Variants in KDR observed in about 807,000 individuals in gnomAD.
KDR encodes kinase insert domain receptor.
A neutral mutation model predicts 160.9 loss-of-function variants in KDR; 43 were observed. That is an observed-to-expected ratio of 0.27 (90% CI 0.21 to 0.34). KDR has a LOEUF of 0.34. Ranked by LOEUF, KDR falls within the 10% of genes least tolerant of loss-of-function variation. The probability of loss-of-function intolerance (pLI) is 1.00; values close to 1 mark genes in which losing one functional copy is unlikely to be tolerated. For synonymous variants in KDR, 617 were observed against 600.1 expected (o/e 1.03, Z -0.41); for missense variants, 1,469 against 1,666.4 (o/e 0.88, Z 2.06).
chr4:55,080,396 A>G (rs1719702487), intron 29 of KDR, among the ~76,000 whole-genome samples: 1 of 152,194 alleles, frequency 6.6e-6, no homozygotes, highest in Non-Finnish European at 1.5e-5. Context: ...CAAGTCTTTC[A>G]AGCCTCAAAT....
intron 15 of KDR, among the ~76,000 whole-genome samples, chr4:55,100,842 T>A (rs1362162071): frequency 6.6e-6 from 1 of 152,100 alleles, no homozygotes; most frequent in African/African-American, 2.4e-5. Context: ...ACTTCTTTCT[T>A]ACCCTTGCAT....
chr4:55,120,655 GT>G (rs1429969628), intron 2 of KDR, among the ~76,000 whole-genome samples: 1 of 152,086 alleles, frequency 6.6e-6, no homozygotes, highest in Non-Finnish European at 1.5e-5. Context: ...ATAAAGCAAA[GT>G]TTTTGGAAAG....
chr4:55,093,570 C>A (rs1366525772), intron 21 of KDR, among the ~76,000 whole-genome samples: 1 of 152,208 alleles, frequency 6.6e-6, no homozygotes, highest in Non-Finnish European at 1.5e-5. Context: ...AGGGTAGAGG[C>A]AGCACCACTC....
chr4:55,081,359 C>T (rs1040976613), intron 29 of KDR, among the ~76,000 whole-genome samples: 1 of 151,596 alleles, frequency 6.6e-6, no homozygotes, highest in Non-Finnish European at 1.5e-5. Context: ...TTCTATTATT[C>T]TTATAAATAT....
At chr4:55,080,268 G>T in intron 29 of KDR, 105 bp from the exon 30 acceptor site, 1 of 948,156 alleles carries the variant, frequency 1.1e-6, no homozygotes, top group Non-Finnish European at 1.7e-6. Flanking sequence ...TCTCCCTGGA[G>T]ACCGCAGCCC....
chr4:55,118,046 A>C (rs1346249234), intron 3 of KDR, among the ~76,000 whole-genome samples: 1 of 152,244 alleles, frequency 6.6e-6, no homozygotes, highest in African/African-American at 2.4e-5. Context: ...CCAAACAAGC[A>C]AAGGAAAGAA....
chr4:55,089,581 C>A, intron 24 of KDR, 108 bp from the exon 25 acceptor site: 1 of 1,225,110 alleles, frequency 8.2e-7, no homozygotes, highest in Non-Finnish European at 1.2e-6. Context: ...TTTTTTTTTT[C>A]AAAGCTTCCG....
Position 55,096,280 on chromosome 4 carries a change from C to T in KDR, c.2677G>A (p.Gly893Ser). Reference protein sequence around the residue: ...MSELKILIHIGHHLNVVNLLG... With the variant: ...MSELKILIHISHHLNVVNLLG... ...AGGTTGACCACATTGAGATGGTGACCAATATGAATGAGGATCTTGAGTTCA... is the reference window on the plus strand; with the variant it reads ...AGGTTGACCACATTGAGATGGTGACTAATATGAATGAGGATCTTGAGTTCA... Residue 893 changes from glycine to serine, a missense_variant, in exon 19 of 30, where the codon GGT (glycine) becomes AGT (serine). By Grantham distance (56) the Gly-to-Ser change is moderately conservative (BLOSUM62 0). This residue lies in a region of KDR where 151 missense variants were observed against 207.2 expected (regional missense o/e 0.73). Transcript: ENST00000263923. The T allele has an allele frequency of 6.2e-7, 1 of 1,613,656 alleles. No individual in the cohort carries two copies. The highest frequency in any genetic ancestry group is 8.5e-7 in the Non-Finnish European group (1 of 1,179,802).
At chr4:55,102,058 T>C (rs759179283) in intron 14 of KDR, 30 bp from the exon 15 acceptor site, 3 of 1,613,258 alleles carry the variant, frequency 1.9e-6, no homozygotes, top group Admixed American at 3.3e-5. Flanking sequence ...ATCATTCTCA[T>C]TTATGATGAT....
At chr4:55,098,896 A>AG in intron 15 of KDR, 93 bp from the exon 16 acceptor site, 1 of 900,734 alleles carries the variant, frequency 1.1e-6, no homozygotes. Flanking sequence ...CAAAATCCCA[A>AG]GCTTACCAAC....
At position 55,110,747 on chromosome 4, in the gene KDR, C is replaced by T. The variant is rs762779214; in HGVS notation, c.998G>A (p.Gly333Glu). ...TTCCACCAGAGATTCCATGCCACTT[C>T]CAAAAGCAACAAAAGGTTTTTCTGG... ...RVHEKPFVAF[G>E]SGMESLVEAT... The change falls in exon 8 of 30, where the codon GGA (glycine) becomes GAA (glutamate). Residue 333 changes from glycine (G) to glutamate (E), a missense_variant. Around this residue, in one of 7 missense-constraint regions of KDR, gnomAD observed 792 missense variants for 840.9 expected, o/e 0.94. Transcript: ENST00000263923. 6 of 1,607,872 alleles carry T rather than the reference C, an allele frequency of 3.7e-6. No homozygotes were observed. Among genetic ancestry groups the T allele is most frequent in the Non-Finnish European group, 5.1e-6 (6 of 1,178,032 alleles).
chr4:55,092,517 G>T, intron 22 of KDR, 100 bp downstream of exon 22: 1 of 852,050 alleles, frequency 1.2e-6, no homozygotes, highest in Non-Finnish European at 2.0e-6. Context: ...AGTGGTGAAT[G>T]AATTACAATC....
At chr4:55,096,199 G>T (rs1435529412) in intron 19 of KDR, 30 bp downstream of exon 19, 3 of 1,257,064 alleles carry the variant, frequency 2.4e-6, no homozygotes, top group Non-Finnish European at 3.5e-6. Flanking sequence ...TGTTAAAATT[G>T]GGTGACCAAA....
chr4:55,106,063 T>C lies in KDR; in HGVS notation c.1537-123A>G. 6.6e-6 allele frequency: 5 copies of C among 762,872 alleles called. 1 individual carries two copies. Among genetic ancestry groups the C allele is most frequent in the Non-Finnish European group, 1.2e-5 (5 of 413,448 alleles). The allele number at this position is 762,872 out of a possible 1,614,324, so 47.3% of individuals were successfully genotyped here. ...ATGCCATTCCCACTTCTGCAGCGGTTGGACACGCTCAAATTTATGCAATTG... is the reference window on the plus strand; with the variant it reads ...ATGCCATTCCCACTTCTGCAGCGGTCGGACACGCTCAAATTTATGCAATTG... On this transcript the variant is annotated intron_variant, in intron 11 of 29. Transcript: ENST00000263923.
At chr4:55,120,797 C>T (rs186510570) in intron 2 of KDR, among the ~76,000 whole-genome samples, 62 of 151,998 alleles carry the variant, frequency 4.1e-4, no homozygotes, top group African/African-American at 1.3e-3. Context: ...GTCTACTATA[C>T]GCCAGGTGGC....
chr4:55,095,707 A>G lies in KDR; in HGVS notation c.2729-42T>C, dbSNP rs41279527. The G allele has an allele frequency of 1.4e-3, 1,977 of 1,412,784 alleles. 1 individual carries two copies. Among genetic ancestry groups the G allele is most frequent in the Non-Finnish European group, 1.8e-3 (1,827 of 996,902 alleles). 87.5% of individuals were successfully genotyped at this position (1,412,784 alleles called of 1,614,324 possible). On this transcript the variant is annotated intron_variant, in intron 19 of 29. Coordinates refer to ENST00000263923, the MANE Select transcript of KDR (RefSeq NM_002253.4). ...CAGGAAGGAAAATGGGTTTTCACTC[A>G]TATTCCTCACTAAGCGTTTAATATA...
intron 21 of KDR, 120 bp downstream of exon 21, chr4:55,094,682 C>G: frequency 1.1e-6 from 1 of 939,860 alleles, no homozygotes; most frequent in Non-Finnish European, 1.7e-6. Context: ...AAATTCAGGT[C>G]TCTTTCAAAT....
At chr4:55,122,102 C>A (rs1232612037) in intron 1 of KDR, among the ~76,000 whole-genome samples, 2 of 152,074 alleles carry the variant, frequency 1.3e-5, no homozygotes, top group African/African-American at 4.8e-5. Flanking sequence ...TTCATCAAAG[C>A]CCTGAACTCA....
intron 22 of KDR, 43 bp downstream of exon 22, chr4:55,092,574 T>C (rs2110013462): frequency 7.3e-7 from 1 of 1,377,134 alleles, no homozygotes; most frequent in South Asian, 1.2e-5. Flanking sequence ...TTTCCAAACC[T>C]GTGATCTGAA....
Sources: gnomAD v4.1 joint callset for allele counts (sites outside exome capture counted in the v4.1 genomes callset) on GRCh38, gnomAD v4.1.1 for gene constraint, gnomAD v4.1.1 regional missense constraint, MANE v1.5 for transcripts, NCBI Gene and HGNC (gene_info 2026-07-23, HGNC 2026-07-21) for gene names.